Variants in COL5A2 observed in about 807,000 individuals in gnomAD.
The protein encoded by COL5A2 is collagen alpha-2(V) chain.
In COL5A2, 23 loss-of-function variants were observed where a neutral mutation model predicts 208.2. That is an observed-to-expected ratio of 0.11 (90% CI 0.08 to 0.16). COL5A2 has a LOEUF of 0.16. COL5A2 is among the 10% of genes least tolerant of loss of function. The probability of loss-of-function intolerance (pLI) is 1.00; values close to 1 mark genes in which losing one functional copy is unlikely to be tolerated. For missense variants in COL5A2, 1,590 were observed against 1,956.4 expected (o/e 0.81, Z 3.53); for synonymous variants, 625 against 628.5 (o/e 0.99, Z 0.08).
intron 1 of COL5A2, among the ~76,000 whole-genome samples, chr2:189,112,060 G>A (rs1388856475): frequency 6.6e-6 from 1 of 151,702 alleles, no homozygotes; most frequent in African/African-American, 2.4e-5. Context: ...ACGGGGTTTC[G>A]CCGTGTTTGC....
intron 16 of COL5A2, 150 bp downstream of exon 16, chr2:189,078,366 G>A (rs571552888): frequency 4.0e-5 from 28 of 699,978 alleles, no homozygotes; most frequent in Non-Finnish European, 7.1e-5. Context: ...CAACTTTTCT[G>A]TAAACCTGAC....
rs904118951 is a variant in COL5A2 at position 189,212,964 on chromosome 2, A to G, written c.-42+12184T>C. On this transcript the variant is annotated intron_variant, in intron 1 of 10. Coordinates refer to the COL5A2 transcript ENST00000649966. The stretch of plus-strand genomic sequence containing the variant: ...AGTGTGACAGCGCGATCTGAGCTCA[A>G]TGTAACCTCTGCCTCCTGGGCTCAA... 1.3e-4 allele frequency among the ~76,000 whole-genome samples: 20 copies of G among 151,786 alleles called. No homozygotes were observed. In the East Asian group the frequency reaches 1.7e-3, roughly 13 times the overall value.
At chr2:189,163,869 C>A (rs1688416722) in intron 1 of COL5A2, among the ~76,000 whole-genome samples, 1 of 152,192 alleles carries the variant, frequency 6.6e-6, no homozygotes, top group South Asian at 2.1e-4. Context: ...CACAAAATCA[C>A]CAAGTTAGTC....
intron 1 of COL5A2, among the ~76,000 whole-genome samples, chr2:189,137,597 G>A (rs1267493914): frequency 1.3e-5 from 2 of 152,154 alleles, no homozygotes; most frequent in African/African-American, 4.8e-5. Context: ...TGTTAGCCAT[G>A]GATCCAGGAA....
chr2:189,089,909 C>T (rs1441522105), intron 7 of COL5A2, among the ~76,000 whole-genome samples: 4 of 152,108 alleles, frequency 2.6e-5, no homozygotes, highest in Non-Finnish European at 4.4e-5. Flanking sequence ...CATGGGCCTC[C>T]TTATTCCCTG....
At position 189,047,120 on chromosome 2, in the gene COL5A2, C is replaced by CAA. The variant is rs57456004; in HGVS notation, c.3201+1087_3201+1088dup. Among the ~76,000 whole-genome samples, 218 of 109,356 alleles carry CAA rather than the reference C, an allele frequency of 2.0e-3. 1 individual carries two copies. Among genetic ancestry groups the CAA allele is most frequent in the East Asian group, 0.018 (72 of 3,916 alleles). 71.7% of individuals were successfully genotyped at this position (109,356 alleles called of 152,430 possible). A position where few individuals can be genotyped will look rare whatever the true frequency, so the allele number is the denominator to read the frequency against. ...CTGGCAACAGAGCAAGACTCTGTCT[C>CAA]AAAAAAAAAAAAAAAAATACTTAAA... On this transcript the variant is annotated intron_variant, in intron 45 of 53. Coordinates refer to ENST00000374866, the MANE Select transcript of COL5A2 (RefSeq NM_000393.5).
At position 189,179,706 on chromosome 2, in the gene COL5A2, C is replaced by T; in HGVS notation, c.-102G>A. 1 of 1,540,432 alleles carries T rather than the reference C, an allele frequency of 6.5e-7. No homozygotes were observed. The highest frequency in any genetic ancestry group is 1.7e-4 in the Middle Eastern group (1 of 5,982). Reference sequence around the variant, plus strand: ...CTGTGGGCTCTTCTTTCAGCACCAGCCCCAGGGCAGCCTCTGCAAACCCCC... The same window carrying T: ...CTGTGGGCTCTTCTTTCAGCACCAGTCCCAGGGCAGCCTCTGCAAACCCCC... On this transcript the variant is annotated 5_prime_UTR_variant, in exon 1 of 54. Transcript: ENST00000374866.
chr2:189,135,843 T>C (rs1055087779), intron 1 of COL5A2, among the ~76,000 whole-genome samples: 1 of 152,190 alleles, frequency 6.6e-6, no homozygotes, highest in African/African-American at 2.4e-5. Context: ...TCTCACTTAA[T>C]CCTCAATAAA....
chr2:189,402,440 C>T, the COL5A2 span, among the ~76,000 whole-genome samples: 1 of 152,172 alleles, frequency 6.6e-6, no homozygotes, highest in Admixed American at 6.5e-5. Context: ...TGGATGGTCT[C>T]GATCTCCTGA....
chr2:189,212,495 T>G (rs889520517), intron 1 of COL5A2, among the ~76,000 whole-genome samples: 4 of 151,526 alleles, frequency 2.6e-5, no homozygotes, highest in Non-Finnish European at 4.4e-5. Flanking sequence ...AAAAATTAGC[T>G]GGGCGTGGTG....
chr2:189,168,514 T>C (rs967538667), intron 1 of COL5A2, among the ~76,000 whole-genome samples: 26 of 152,162 alleles, frequency 1.7e-4, no homozygotes, highest in African/African-American at 6.0e-4. Context: ...AACTTTCCAT[T>C]TATTTAATAT....
rs1001507199 is a variant in COL5A2, at chr2:189,122,582, C to T, written c.98-12133G>A. ...TCTCTTGCTCTCATCTCACCTTATC[C>T]GTACACCTGGCAAATACCTGCAACA... is the stretch of plus-strand genomic sequence containing the variant. On this transcript the variant is annotated intron_variant, in intron 1 of 53. Coordinates refer to ENST00000374866, the MANE Select transcript of COL5A2 (RefSeq NM_000393.5). Among the ~76,000 whole-genome samples the T allele has an allele frequency of 1.2e-4, 19 of 152,266 alleles. 1 individual carries two copies. The highest frequency in any genetic ancestry group is 1.9e-4 in the Non-Finnish European group (13 of 68,012).
At chr2:189,352,364 G>A in the COL5A2 span, among the ~76,000 whole-genome samples, 5 of 152,130 alleles carry the variant, frequency 3.3e-5, no homozygotes, top group Non-Finnish European at 7.4e-5. Context: ...CTAGATCCTT[G>A]AGGAATTGCC....
chr2:189,216,997 G>A (rs547168077), intron 1 of COL5A2, among the ~76,000 whole-genome samples: 64 of 152,200 alleles, frequency 4.2e-4, no homozygotes, highest in African/African-American at 1.5e-3. Flanking sequence ...AAAAGAGAGA[G>A]AGGGGGAAAG....
chr2:189,191,524 C>T (rs768327641), intron 1 of COL5A2, among the ~76,000 whole-genome samples: 7 of 151,934 alleles, frequency 4.6e-5, no homozygotes, highest in South Asian at 4.2e-4. Context: ...ACCAGTAGTC[C>T]CAGCTACTTG....
chr2:189,335,058 TA>T, the COL5A2 span, among the ~76,000 whole-genome samples: 1 of 151,768 alleles, frequency 6.6e-6, no homozygotes, highest in Non-Finnish European at 1.5e-5. Context: ...ACATTACATG[TA>T]AAAAAAATTA....
At chr2:189,242,479 C>G in the COL5A2 span, among the ~76,000 whole-genome samples, 2 of 152,028 alleles carry the variant, frequency 1.3e-5, no homozygotes, top group Admixed American at 1.3e-4. Flanking sequence ...TATAATATGC[C>G]TTACACACAC....
intron 38 of COL5A2, 97 bp from the exon 39 acceptor site, chr2:189,053,115 T>C: frequency 9.8e-7 from 1 of 1,016,122 alleles, no homozygotes; most frequent in Non-Finnish European, 1.5e-6. Context: ...TCATATATTG[T>C]GAAACAGTGC....
intron 13 of COL5A2, among the ~76,000 whole-genome samples, chr2:189,080,566 A>C (rs1159838170): frequency 6.6e-6 from 1 of 152,142 alleles, no homozygotes; most frequent in Non-Finnish European, 1.5e-5. Context: ...ATCTTCAGTA[A>C]TAAGGAAGGC....
Sources: allele counts gnomAD v4.1 joint callset (sites outside exome capture counted in the v4.1 genomes callset), GRCh38; gene constraint gnomAD v4.1.1; transcripts MANE v1.5; gene names NCBI Gene and HGNC (gene_info 2026-07-23, HGNC 2026-07-21).